RFX4: variants seen among roughly 807,000 people sequenced by gnomAD.
RFX4 encodes regulatory factor X4, also known as transcription factor RFX4.
A neutral mutation model predicts 95.0 loss-of-function variants in RFX4; 10 were observed. That is an observed-to-expected ratio of 0.11 (90% confidence interval 0.06 to 0.18). The LOEUF is 0.18. Among genes scored for constraint, RFX4 ranks in the 10% least tolerant of loss-of-function variants. The pLI, the probability that RFX4 is intolerant of heterozygous loss-of-function variation, is 1.00. For synonymous variants in RFX4, 321 were observed against 340.7 expected (o/e 0.94, Z 0.64); for missense variants, 640 against 922.0 (o/e 0.69, Z 3.96).
At chr12:106,750,576 G>A in intron 16 of RFX4, 79 bp from the exon 17 acceptor site, 1 of 1,280,406 alleles carries the variant, frequency 7.8e-7, no homozygotes, top group Non-Finnish European at 1.0e-6. Flanking sequence ...AAAAAAAATA[G>A]ATGAGGTTTT....
At chr12:106,647,525 C>CA (rs1487868488) in intron 3 of RFX4, among the ~76,000 whole-genome samples, 1 of 152,058 alleles carries the variant, frequency 6.6e-6, no homozygotes, top group East Asian at 1.9e-4. Context: ...TAATAAAATA[C>CA]CAGAATCCCT....
At chr12:106,709,958 C>T (rs2042160884) in intron 9 of RFX4, among the ~76,000 whole-genome samples, 1 of 152,202 alleles carries the variant, frequency 6.6e-6, no homozygotes, top group Admixed American at 6.5e-5. Flanking sequence ...CATGCATTCT[C>T]TGCCTAATTA....
chr12:106,660,296 A>AT (rs2041046311), intron 4 of RFX4, among the ~76,000 whole-genome samples: 5 of 152,018 alleles, frequency 3.3e-5, no homozygotes, highest in African/African-American at 9.6e-5. Context: ...ACAGGATTAG[A>AT]GGGATGCTTC....
intron 8 of RFX4, among the ~76,000 whole-genome samples, chr12:106,697,891 A>C (rs2041911450): frequency 6.6e-6 from 1 of 152,174 alleles, no homozygotes. Flanking sequence ...TATTTACTAT[A>C]AAATACAATG....
chr12:106,609,718 A>C (rs958172204), intron 2 of RFX4, among the ~76,000 whole-genome samples: 1 of 151,592 alleles, frequency 6.6e-6, no homozygotes, highest in African/African-American at 2.4e-5. Flanking sequence ...AAGTATACAA[A>C]TCTTGTGTAA....
intron 1 of RFX4, chr12:106,601,248 GGA>G (rs2039699968): frequency 5.7e-6 from 9 of 1,566,262 alleles, no homozygotes; most frequent in Non-Finnish European, 7.8e-6. Context: ...CAGGGAGCCA[GGA>G]GAGAGACAGA....
At chr12:106,682,220 A>G in intron 5 of RFX4, 166 bp downstream of exon 5, 1 of 642,690 alleles carries the variant, frequency 1.6e-6, no homozygotes, top group Non-Finnish European at 2.7e-6. Context: ...CTCTCTCAGG[A>G]CTCCTGAAAG....
chr12:106,588,471 A>C (rs1302330761), intron 1 of RFX4, among the ~76,000 whole-genome samples: 1 of 152,182 alleles, frequency 6.6e-6, no homozygotes, highest in Non-Finnish European at 1.5e-5. Context: ...CCATCAAAGG[A>C]AAATCACTCC....
At chr12:106,657,799 C>T (rs2040989891) in intron 4 of RFX4, among the ~76,000 whole-genome samples, 1 of 152,130 alleles carries the variant, frequency 6.6e-6, no homozygotes. Flanking sequence ...CTCATTCCAT[C>T]TCACCTCCCA....
chr12:106,750,894 G>T, intron 17 of RFX4, 101 bp downstream of exon 17: 1 of 1,080,540 alleles, frequency 9.3e-7, no homozygotes. Flanking sequence ...TGTGTGCAGC[G>T]TGTGTGTCCC....
intron 13 of RFX4, among the ~76,000 whole-genome samples, chr12:106,721,464 A>C (rs2042394743): frequency 1.3e-5 from 2 of 152,192 alleles, no homozygotes; most frequent in Admixed American, 1.3e-4. Flanking sequence ...CAGGGCTTGA[A>C]ATCTCTGCCC....
intron 13 of RFX4, among the ~76,000 whole-genome samples, chr12:106,729,551 C>T (rs1185052071): frequency 1.3e-5 from 2 of 152,106 alleles, no homozygotes; most frequent in East Asian, 1.9e-4. Flanking sequence ...TTGGTTCTGC[C>T]GCTTAATGAC....
intron 8 of RFX4, among the ~76,000 whole-genome samples, chr12:106,704,861 G>A (rs2042054125): frequency 6.6e-6 from 1 of 152,012 alleles, no homozygotes; most frequent in African/African-American, 2.4e-5. Context: ...GTGTCGTATG[G>A]GCAGGGAGGA....
At chr12:106,661,114 T>C (rs1167786394) in intron 4 of RFX4, among the ~76,000 whole-genome samples, 3 of 152,184 alleles carry the variant, frequency 2.0e-5, no homozygotes, top group African/African-American at 7.2e-5. Context: ...AACTTGAGGA[T>C]CTTTCACCCT....
chr12:106,747,510 C>T lies in RFX4; in HGVS notation c.1707C>T (p.Ser569=). The T allele has an allele frequency of 6.2e-7, 1 of 1,614,124 alleles. No individual in the cohort carries two copies. Among genetic ancestry groups the T allele is most frequent in the Non-Finnish European group, 8.5e-7 (1 of 1,180,006 alleles). ...CTGCTGGGTCCCCAGCTGAGAACTC[C>T]CAACAGCTGCCCTGTATGAGGAACA... The part of the protein sequence containing the change: ...TTAAGSPAEN[S]QQLPCMRNTH... The change falls in exon 16 of 18, where the codon TCC becomes TCT. Residue 569 remains serine (S), a synonymous_variant. Transcript: ENST00000392842.
chr12:106,645,378 C>A (rs1049612764), intron 3 of RFX4, among the ~76,000 whole-genome samples: 8 of 152,114 alleles, frequency 5.3e-5, no homozygotes, highest in African/African-American at 1.9e-4. Context: ...GCCACCCTTG[C>A]CGCCCTTACC....
chr12:106,664,048 G>C (rs1565970119), intron 4 of RFX4, among the ~76,000 whole-genome samples: 2 of 151,562 alleles, frequency 1.3e-5, no homozygotes, highest in Non-Finnish European at 3.0e-5. Flanking sequence ...TCTGATTTTG[G>C]TACTAGGTAA....
intron 2 of RFX4, among the ~76,000 whole-genome samples, chr12:106,630,022 T>C (rs1308561194): frequency 1.3e-5 from 2 of 152,246 alleles, no homozygotes; most frequent in Admixed American, 6.5e-5. Flanking sequence ...TCTATGTTTA[T>C]TGATTAAAAC....
intron 1 of RFX4, among the ~76,000 whole-genome samples, chr12:106,589,226 A>T (rs934783546): frequency 2.6e-5 from 4 of 152,320 alleles, no homozygotes; most frequent in Non-Finnish European, 5.9e-5. Flanking sequence ...AGTGAAGTTT[A>T]AAAAAAGAAG....
Sources: allele counts gnomAD v4.1 joint callset (sites outside exome capture counted in the v4.1 genomes callset), GRCh38; gene constraint gnomAD v4.1.1; transcripts MANE v1.5; gene names NCBI Gene and HGNC (gene_info 2026-07-23, HGNC 2026-07-21).